The following LBR variants were observed in gnomAD, a reference collection of about 807,000 sequenced individuals.
The protein encoded by LBR is delta(14)-sterol reductase LBR.
LBR carries 28 observed loss-of-function variants against 74.3 expected under a neutral mutation model. The observed-to-expected ratio is 0.38, with a 90% CI of 0.28 to 0.52. LBR has a LOEUF of 0.52. Ranked by LOEUF, LBR falls within the 20% of genes least tolerant of loss-of-function variation. The probability of loss-of-function intolerance (pLI) is 0.89; values close to 1 mark genes in which losing one functional copy is unlikely to be tolerated. For synonymous variants in LBR, 228 were observed against 269.3 expected (o/e 0.85, Z 1.50); for missense variants, 717 against 760.3 (o/e 0.94, Z 0.67).
At chr1:225,418,203 C>T (rs757932114) in intron 5 of LBR, 23 bp from the exon 6 acceptor site, 8 of 1,603,936 alleles carry the variant, frequency 5.0e-6, no homozygotes, top group South Asian at 3.3e-5. Flanking sequence ...CATGAACATT[C>T]GAGGCTCAAA....
chr1:225,404,267 G>T, intron 13 of LBR, 137 bp downstream of exon 13: 1 of 1,164,904 alleles, frequency 8.6e-7, no homozygotes. Flanking sequence ...AGCTTCTACA[G>T]AGGCCAACCT....
At chr1:225,420,684 C>T (rs528269043) in intron 3 of LBR, among the ~76,000 whole-genome samples, 1 of 151,266 alleles carries the variant, frequency 6.6e-6, no homozygotes, top group East Asian at 1.9e-4. Context: ...CCTGGAGTCC[C>T]GGGGTGGTAA....
chr1:225,411,473 T>C (rs2096105482), intron 8 of LBR, 33 bp from the exon 9 acceptor site: 6 of 1,515,638 alleles, frequency 4.0e-6, no homozygotes, highest in Admixed American at 1.7e-5. Flanking sequence ...CCAAACAGCA[T>C]TCCAAACCCA....
chr1:225,405,990 C>G (rs911695903), intron 11 of LBR, among the ~76,000 whole-genome samples: 4 of 152,164 alleles, frequency 2.6e-5, no homozygotes, highest in African/African-American at 7.2e-5. Context: ...AAAATTCATC[C>G]TGAAGTAAAA....
At chr1:225,412,429 C>A in intron 8 of LBR, 25 bp downstream of exon 8, 1 of 1,611,130 alleles carries the variant, frequency 6.2e-7, no homozygotes, top group Non-Finnish European at 8.5e-7. Flanking sequence ...CGCATTCATC[C>A]AACATGCAAT....
intron 11 of LBR, among the ~76,000 whole-genome samples, chr1:225,405,795 T>C (rs904592802): frequency 6.6e-6 from 1 of 152,202 alleles, no homozygotes; most frequent in Admixed American, 6.5e-5. Context: ...TCTTGAATAA[T>C]AAAATGGATG....
intron 1 of LBR, 105 bp from the exon 2 acceptor site, chr1:225,424,194 G>A (rs2096134614): frequency 2.2e-6 from 2 of 920,862 alleles, no homozygotes; most frequent in East Asian, 2.4e-5. Flanking sequence ...GAATTGACTG[G>A]TCAGGATTTT....
At chr1:225,422,869 A>T in intron 2 of LBR, among the ~76,000 whole-genome samples, 1 of 152,236 alleles carries the variant, frequency 6.6e-6, no homozygotes, top group East Asian at 1.9e-4. Flanking sequence ...AAATGATTAC[A>T]AACAAAATCA....
rs911065623 is a variant in LBR at position 225,403,313 on chromosome 1, T to C, written c.1838A>G (p.Tyr613Cys). ...CQRVPYRIFP[Y>C]IY ...AAAGCCAGAAGAGCATTAGTAGATG[T>C]ATGGAAATATACGGTAGGGCACACG... The change falls in exon 14 of 14, where the codon TAC (tyrosine) becomes TGC (cysteine). Residue 613 changes from tyrosine to cysteine, a missense_variant. Transcript: ENST00000272163. 5 of 1,613,740 alleles carry C rather than the reference T, an allele frequency of 3.1e-6. No homozygotes were observed. The African/African-American group carries it at 6.7e-5, about 22-fold the overall frequency.
chr1:225,408,646 G>A (rs1392091664), intron 10 of LBR, among the ~76,000 whole-genome samples: 1 of 152,248 alleles, frequency 6.6e-6, no homozygotes, highest in Non-Finnish European at 1.5e-5. Flanking sequence ...TGGCATGCCA[G>A]AATGCTGAAG....
intron 10 of LBR, among the ~76,000 whole-genome samples, chr1:225,407,858 A>G (rs532127052): frequency 2.0e-5 from 3 of 152,176 alleles, no homozygotes; most frequent in Non-Finnish European, 4.4e-5. Context: ...CTAGCTCCTT[A>G]GGCTTATACT....
Position 225,418,110 on chromosome 1 carries a change from A to G in LBR, c.711T>C (p.Asp237=), listed in dbSNP as rs2096120905. The G allele has an allele frequency of 6.2e-7, 1 of 1,614,106 alleles. No homozygotes were observed. Among genetic ancestry groups the G allele is most frequent in the African/African-American group, 1.3e-5 (1 of 74,938 alleles). Residue 237 remains aspartate, a synonymous_variant, in exon 6 of 14, where the codon GAT becomes GAC. Coordinates refer to ENST00000272163, the MANE Select transcript of LBR (RefSeq NM_002296.4). ...GAGGAGGGAAATTCAGAAGACTGGG[A>G]TCTTTCTGTTTACACATCAACAGCA... The part of the protein sequence containing the change: ...FLLLLMCKQK[D]PSLLNFPPPL...
At chr1:225,407,306 A>G (rs1318853273) in intron 10 of LBR, among the ~76,000 whole-genome samples, 2 of 152,190 alleles carry the variant, frequency 1.3e-5, no homozygotes, top group Non-Finnish European at 2.9e-5. Context: ...TTGCCACCCC[A>G]GTACCTAGCA....
chr1:225,423,643 C>T (rs1228939089), intron 2 of LBR, among the ~76,000 whole-genome samples: 1 of 152,208 alleles, frequency 6.6e-6, no homozygotes, highest in African/African-American at 2.4e-5. Context: ...ACACCACCCA[C>T]AGCAAACTCC....
At chr1:225,413,889 G>A (rs2096111409) in intron 7 of LBR, 1 of 454,484 alleles carries the variant, frequency 2.2e-6, no homozygotes. Context: ...CAAGTGCTGT[G>A]CTCAGTCTCT....
Position 225,403,260 on chromosome 1 carries a change from A to T in LBR, c.*43T>A. ...TTTTTTCCTTGTTTTTGCAAATGGC[A>T]GCTGGAATTGCAGGAGTATTTTGTA... On this transcript the variant is annotated 3_prime_UTR_variant, in exon 14 of 14. Transcript: ENST00000272163. The T allele has an allele frequency of 1.3e-6, 2 of 1,589,858 alleles. No individual in the cohort carries two copies. The highest frequency in any genetic ancestry group is 1.7e-6 in the Non-Finnish European group (2 of 1,157,884).
intron 3 of LBR, 37 bp downstream of exon 3, chr1:225,422,040 G>A (rs375559963): frequency 2.1e-5 from 33 of 1,576,218 alleles, no homozygotes; most frequent in African/African-American, 8.1e-5. Context: ...TACATAAAGC[G>A]GAAGACAAAA....
chr1:225,403,863 C>T (rs2096086044), intron 13 of LBR, among the ~76,000 whole-genome samples: 1 of 127,588 alleles, frequency 7.8e-6, no homozygotes. Context: ...TCCCCCTGCT[C>T]CCCCAGTTCC....
At chr1:225,419,890 A>C (rs1463080301) in intron 3 of LBR, 92 bp from the exon 4 acceptor site, 1 of 929,618 alleles carries the variant, frequency 1.1e-6, no homozygotes, top group East Asian at 2.4e-5. Context: ...GGAATCAAGC[A>C]ATAAAACAGA....
Sources: gnomAD v4.1 joint callset for allele counts (sites outside exome capture counted in the v4.1 genomes callset) on GRCh38, gnomAD v4.1.1 for gene constraint, MANE v1.5 for transcripts, NCBI Gene and HGNC (gene_info 2026-07-23, HGNC 2026-07-21) for gene names.